Variants in MAST2 observed in about 807,000 individuals in gnomAD.
MAST2 encodes the protein microtubule associated serine/threonine kinase 2.
Under a neutral mutation model 147.4 loss-of-function variants are expected in MAST2, and 70 were observed. The ratio of observed to expected loss-of-function variants is 0.47; its 90% CI spans 0.39 to 0.58. The LOEUF is 0.58. MAST2 is among the 20% of genes least tolerant of loss of function. The pLI is 0.00. For synonymous variants in MAST2, 869 were observed against 896.8 expected (o/e 0.97, Z 0.55); for missense variants, 2,080 against 2,302.3 (o/e 0.90, Z 1.98).
rs143934380 is a variant in MAST2, at chr1:45,878,866, G to A, written c.469-3498G>A. On this transcript the variant is annotated intron_variant, in intron 3 of 28. Transcript: ENST00000361297. ...GTAAATGGAGAAGTACTATGTTCAT[G>A]TATTATAAGACTTGATATTTTGAGA... is the stretch of plus-strand genomic sequence containing the variant. 6.0e-4 allele frequency among the ~76,000 whole-genome samples: 91 copies of A among 150,688 alleles called. No homozygotes were observed. In the East Asian group the frequency reaches 0.011, roughly 19 times the overall value.
chr1:45,925,069 C>G (rs1026530079), intron 4 of MAST2, among the ~76,000 whole-genome samples: 9 of 152,142 alleles, frequency 5.9e-5, no homozygotes, highest in Non-Finnish European at 1.2e-4. Flanking sequence ...TGCATTGCCC[C>G]AGAGTTGGAA....
At chr1:45,948,882 C>CAG (rs1285260133) in intron 4 of MAST2, among the ~76,000 whole-genome samples, 1 of 151,954 alleles carries the variant, frequency 6.6e-6, no homozygotes, top group East Asian at 1.9e-4. Context: ...TAGAACAGAA[C>CAG]AGAGAGCCTA....
At chr1:45,891,536 C>G (rs543848071) in intron 4 of MAST2, among the ~76,000 whole-genome samples, 2 of 152,122 alleles carry the variant, frequency 1.3e-5, no homozygotes, top group African/African-American at 2.4e-5. Flanking sequence ...CTATAACTTA[C>G]AGAGTTGTAA....
intron 5 of MAST2, among the ~76,000 whole-genome samples, chr1:45,986,545 C>G (rs182224095): frequency 2.6e-5 from 4 of 151,856 alleles, no homozygotes; most frequent in African/African-American, 9.7e-5. Flanking sequence ...AGTGAAACCC[C>G]GTCTCTACTA....
At chr1:45,837,981 G>A (rs1645154114) in intron 3 of MAST2, among the ~76,000 whole-genome samples, 1 of 152,010 alleles carries the variant, frequency 6.6e-6, no homozygotes, top group Admixed American at 6.6e-5. Context: ...GTTTCGCCGT[G>A]TTGGTCAAGC....
chr1:45,891,900 C>G (rs1466695474), intron 4 of MAST2, among the ~76,000 whole-genome samples: 3 of 152,064 alleles, frequency 2.0e-5, no homozygotes, highest in Non-Finnish European at 4.4e-5. Flanking sequence ...CTAAGAAATA[C>G]CACATTTCAC....
intron 3 of MAST2, among the ~76,000 whole-genome samples, chr1:45,845,189 G>A (rs1475702666): frequency 1.3e-5 from 2 of 152,158 alleles, no homozygotes; most frequent in East Asian, 1.9e-4. Context: ...ATACATGGGA[G>A]AACGTTTATG....
intron 4 of MAST2, among the ~76,000 whole-genome samples, chr1:45,890,585 A>G (rs531983790): frequency 1.1e-4 from 16 of 152,280 alleles, no homozygotes; most frequent in Admixed American, 9.8e-4. Flanking sequence ...AGCCACCCCT[A>G]TGACCTCATT....
chr1:45,894,090 C>T (rs1648315286), intron 4 of MAST2, among the ~76,000 whole-genome samples: 2 of 151,954 alleles, frequency 1.3e-5, no homozygotes, highest in Non-Finnish European at 2.9e-5. Context: ...GTAGCGCACA[C>T]CTGTGGTCCC....
At chr1:45,956,570 C>T (rs1326880454) in intron 4 of MAST2, among the ~76,000 whole-genome samples, 1 of 152,182 alleles carries the variant, frequency 6.6e-6, no homozygotes, top group Non-Finnish European at 1.5e-5. Context: ...AATTTCAGTC[C>T]ATACTATGGT....
At chr1:45,884,909 C>T (rs545900313) in intron 4 of MAST2, among the ~76,000 whole-genome samples, 1 of 152,252 alleles carries the variant, frequency 6.6e-6, no homozygotes, top group African/African-American at 2.4e-5. Flanking sequence ...GTCATCTCCC[C>T]AAACAGTTAA....
chr1:45,949,430 A>C (rs995856403), intron 4 of MAST2, among the ~76,000 whole-genome samples: 1 of 152,254 alleles, frequency 6.6e-6, no homozygotes, highest in Admixed American at 6.5e-5. Flanking sequence ...ACTTTTCAAA[A>C]GAAGGCATAC....
chr1:45,915,511 C>G (rs1652351125), intron 4 of MAST2, among the ~76,000 whole-genome samples: 1 of 152,036 alleles, frequency 6.6e-6, no homozygotes, highest in African/African-American at 2.4e-5. Context: ...GAGATCGAGA[C>G]CATCCTGGCT....
At chr1:45,945,041 G>C (rs1657835464) in intron 4 of MAST2, among the ~76,000 whole-genome samples, 1 of 152,110 alleles carries the variant, frequency 6.6e-6, no homozygotes, top group African/African-American at 2.4e-5. Flanking sequence ...ACAAGCCTTT[G>C]TAATGCCCAG....
rs552712012 is a variant in MAST2 at position 45,976,219 on chromosome 1, C to T, written c.592+16742C>T. ...TTTGAACTCCTGACCTCAGGTGATCCGCCCACCTCAGCCTCCCAAATTGCT... is the reference window on the plus strand; with the variant it reads ...TTTGAACTCCTGACCTCAGGTGATCTGCCCACCTCAGCCTCCCAAATTGCT... On this transcript the variant is annotated intron_variant, in intron 5 of 28. Coordinates refer to ENST00000361297, the MANE Select transcript of MAST2 (RefSeq NM_015112.3). Among the ~76,000 whole-genome samples, 352 of 152,056 alleles carry T rather than the reference C, an allele frequency of 2.3e-3. 1 individual carries two copies. The highest frequency in any genetic ancestry group is 3.8e-3 in the Non-Finnish European group (260 of 67,964).
chr1:45,930,372 C>A (rs1198647004), intron 4 of MAST2, among the ~76,000 whole-genome samples: 1 of 124,274 alleles, frequency 8.0e-6, no homozygotes, highest in Non-Finnish European at 1.8e-5. Flanking sequence ...AGCCACCGCG[C>A]CTGGCCTGTT....
chr1:45,859,784 GT>G (rs1232995834), intron 3 of MAST2, among the ~76,000 whole-genome samples: 2 of 152,184 alleles, frequency 1.3e-5, no homozygotes, highest in East Asian at 3.8e-4. Flanking sequence ...TCTGCAAGGT[GT>G]TTGACTTTTT....
chr1:45,853,815 A>G (rs758704645), intron 3 of MAST2, among the ~76,000 whole-genome samples: 13 of 151,862 alleles, frequency 8.6e-5, no homozygotes, highest in Non-Finnish European at 1.6e-4. Flanking sequence ...CTTTTCACCT[A>G]TTCCTAGGTT....
intron 4 of MAST2, among the ~76,000 whole-genome samples, chr1:45,882,838 T>C (rs534055825): frequency 1.3e-5 from 2 of 152,350 alleles, no homozygotes; most frequent in Admixed American, 1.3e-4. Context: ...GAGACTATGT[T>C]GAATGGAATA....
Sources: allele counts gnomAD v4.1 joint callset (sites outside exome capture counted in the v4.1 genomes callset), GRCh38; gene constraint gnomAD v4.1.1; transcripts MANE v1.5; gene names NCBI Gene and HGNC (gene_info 2026-07-23, HGNC 2026-07-21).